KAZN: variants seen among roughly 807,000 people sequenced by gnomAD.
KAZN encodes kazrin, periplakin interacting protein.
In KAZN, 40 loss-of-function variants were observed where a neutral mutation model predicts 87.4. The observed-to-expected ratio is 0.46, with a 90% confidence interval of 0.36 to 0.60. The LOEUF is 0.60. Ranked by LOEUF, KAZN falls within the 20% of genes least tolerant of loss-of-function variation. The probability of loss-of-function intolerance (pLI) is 0.00; values close to 1 mark genes in which losing one functional copy is unlikely to be tolerated. For missense variants in KAZN, 898 were observed against 1,073.9 expected (o/e 0.84, Z 2.29); for synonymous variants, 466 against 458.3 (o/e 1.02, Z -0.22).
chr1:14,479,888 G>C (rs74564230), intron 2 of KAZN, among the ~76,000 whole-genome samples: 1 of 152,152 alleles, frequency 6.6e-6, no homozygotes, highest in South Asian at 2.1e-4. Flanking sequence ...AAGCTGAAAA[G>C]TGTGGAGCAT....
At chr1:15,001,710 C>T (rs116021426) in intron 2 of KAZN, among the ~76,000 whole-genome samples, 3,249 of 151,988 alleles carry the variant, frequency 0.021, 112 homozygotes, top group African/African-American at 0.074. Context: ...GAGTGCTCCT[C>T]GCCTGTGGGG....
At chr1:14,389,576 T>C (rs1160282082) in intron 2 of KAZN, among the ~76,000 whole-genome samples, 2 of 152,244 alleles carry the variant, frequency 1.3e-5, no homozygotes, top group African/African-American at 4.8e-5. Context: ...GAGGCCATTA[T>C]GTTAAGTGAA....
At chr1:15,057,558 A>G (rs773476009) in intron 5 of KAZN, among the ~76,000 whole-genome samples, 10 of 152,232 alleles carry the variant, frequency 6.6e-5, no homozygotes, top group Non-Finnish European at 1.5e-5. Context: ...TGAGTGGGAT[A>G]GCAGCCCTCC....
chr1:14,929,307 C>T (rs964702866), intron 1 of KAZN, among the ~76,000 whole-genome samples: 20 of 152,184 alleles, frequency 1.3e-4, no homozygotes, highest in Admixed American at 9.8e-4. Flanking sequence ...AAACAGGTGA[C>T]TCCAAAGGGC....
chr1:14,611,230 A>G (rs1334550210), intron 1 of KAZN, among the ~76,000 whole-genome samples: 1 of 152,114 alleles, frequency 6.6e-6, no homozygotes, highest in Non-Finnish European at 1.5e-5. Flanking sequence ...AATGGCTGGG[A>G]CTCTGATCTC....
At chr1:14,453,560 G>A (rs969919807) in intron 2 of KAZN, among the ~76,000 whole-genome samples, 4 of 152,164 alleles carry the variant, frequency 2.6e-5, no homozygotes, top group African/African-American at 9.7e-5. Flanking sequence ...ATCTGCCCAG[G>A]CATGGTGTCT....
chr1:14,113,369 C>A (rs1035354478), intron 1 of KAZN, among the ~76,000 whole-genome samples: 1 of 152,212 alleles, frequency 6.6e-6, no homozygotes, highest in East Asian at 1.9e-4. Context: ...CGTCACACCA[C>A]ATTCTCAGCT....
intron 1 of KAZN, among the ~76,000 whole-genome samples, chr1:14,610,842 C>T (rs890149999): frequency 6.6e-6 from 1 of 152,302 alleles, no homozygotes; most frequent in African/African-American, 2.4e-5. Context: ...TTTTCACTAT[C>T]CCTTTAGGGA....
chr1:14,841,905 C>T (rs940369183), intron 1 of KAZN, among the ~76,000 whole-genome samples: 1 of 152,212 alleles, frequency 6.6e-6, no homozygotes, highest in African/African-American at 2.4e-5. Flanking sequence ...GACTGATACT[C>T]ATCCAGGCTA....
At chr1:14,481,439 A>T (rs1334016046) in intron 2 of KAZN, among the ~76,000 whole-genome samples, 2 of 151,982 alleles carry the variant, frequency 1.3e-5, no homozygotes, top group East Asian at 3.9e-4. Context: ...AAAACTATCA[A>T]ATATGAATGC....
chr1:15,098,356 G>A (rs187972106), intron 10 of KAZN, among the ~76,000 whole-genome samples: 6 of 152,278 alleles, frequency 3.9e-5, no homozygotes, highest in African/African-American at 2.4e-5. Flanking sequence ...GCCAAGCTGC[G>A]GCCCCATGGG....
intron 8 of KAZN, among the ~76,000 whole-genome samples, chr1:15,069,150 T>G (rs2100583615): frequency 6.6e-6 from 1 of 152,208 alleles, no homozygotes; most frequent in East Asian, 1.9e-4. Context: ...AGGGCAAGTG[T>G]GGCCACACGC....
In KAZN at chr1:14,011,940, C is replaced by G. The variant is rs116334165; in HGVS notation, c.91+118184C>G. Among the ~76,000 whole-genome samples the G allele has an allele frequency of 3.4e-3, 523 of 152,188 alleles. 3 individuals carry two copies. The highest frequency in any genetic ancestry group is 0.012 in the African/African-American group (509 of 41,520). ...TAGTTCTCTTTGGGCATGGTTCTAC[C>G]TTTTAGGGGGTGTTTGGAAATGATT... On this transcript the variant is annotated intron_variant, in intron 1 of 16. Transcript: ENST00000636203.
At chr1:14,633,882 C>CTATATA (rs1357500642) in intron 1 of KAZN, among the ~76,000 whole-genome samples, 4 of 151,224 alleles carry the variant, frequency 2.6e-5, no homozygotes, top group African/African-American at 9.8e-5. Context: ...CTCTCTCTCT[C>CTATATA]TCTATATATA....
intron 1 of KAZN, among the ~76,000 whole-genome samples, chr1:14,151,267 G>A (rs553579930): frequency 4.8e-4 from 73 of 152,172 alleles, no homozygotes; most frequent in African/African-American, 1.7e-3. Flanking sequence ...CAACTGTACT[G>A]TTAAAAAGAC....
intron 1 of KAZN, among the ~76,000 whole-genome samples, chr1:14,088,333 A>G (rs1368891020): frequency 6.6e-6 from 1 of 151,990 alleles, no homozygotes; most frequent in East Asian, 1.9e-4. Context: ...GTACAATTTG[A>G]TATCATTTCT....
chr1:14,068,187 T>G (rs1643091079), intron 1 of KAZN, among the ~76,000 whole-genome samples: 2 of 152,192 alleles, frequency 1.3e-5, no homozygotes, highest in African/African-American at 4.8e-5. Flanking sequence ...ACAAAATTAC[T>G]GCAAAGTAGA....
intron 2 of KAZN, among the ~76,000 whole-genome samples, chr1:14,314,380 A>G (rs561211313): frequency 6.6e-6 from 1 of 152,108 alleles, no homozygotes; most frequent in South Asian, 2.1e-4. Flanking sequence ...CAGACTCATC[A>G]CTCTGATATA....
At chr1:14,471,253 G>A (rs574391871) in intron 2 of KAZN, among the ~76,000 whole-genome samples, 1 of 152,250 alleles carries the variant, frequency 6.6e-6, no homozygotes, top group South Asian at 2.1e-4. Context: ...TATCATTCTT[G>A]ATTAAGGATT....
Sources: gnomAD v4.1 joint callset for allele counts (sites outside exome capture counted in the v4.1 genomes callset) on GRCh38, gnomAD v4.1.1 for gene constraint, MANE v1.5 for transcripts, NCBI Gene and HGNC (gene_info 2026-07-23, HGNC 2026-07-21) for gene names.